POU6F2: variants seen among roughly 807,000 people sequenced by gnomAD.
The protein encoded by POU6F2 is POU domain, class 6, transcription factor 2.
In POU6F2, 31 loss-of-function variants were observed where a neutral mutation model predicts 71.3. That is an observed-to-expected ratio of 0.43 (90% CI 0.33 to 0.59). The LOEUF (loss-of-function observed/expected upper bound fraction) is 0.59, where lower values mean the gene tolerates loss of function less well. Among genes scored for constraint, POU6F2 ranks in the 20% least tolerant of loss-of-function variants. POU6F2 has a pLI of 0.04. For synonymous variants in POU6F2, 347 were observed against 355.7 expected, an observed-to-expected ratio of 0.98 and a Z score of 0.27; for missense variants, 783 against 856.8, an observed-to-expected ratio of 0.91 and a Z score of 1.07.
chr7:39,015,852 G>A (rs868177419), intron 1 of POU6F2, among the ~76,000 whole-genome samples: 2 of 57,058 alleles, frequency 3.5e-5, no homozygotes, highest in African/African-American at 1.3e-4. Flanking sequence ...ATTATATATA[G>A]ATATATATAA....
intron 4 of POU6F2, among the ~76,000 whole-genome samples, chr7:39,298,713 T>C (rs1159132778): frequency 6.6e-6 from 1 of 152,198 alleles, no homozygotes; most frequent in African/African-American, 2.4e-5. Context: ...CATGTAAGTT[T>C]ATAGCAGCAC....
chr7:39,404,567 C>A (rs950356671), intron 5 of POU6F2: 2 of 152,180 alleles, frequency 1.3e-5, no homozygotes, highest in African/African-American at 4.8e-5. Context: ...CCATAGTCAA[C>A]ATTAAGATCC....
intron 2 of POU6F2, among the ~76,000 whole-genome samples, chr7:39,141,532 A>G (rs1321241604): frequency 6.6e-6 from 1 of 152,212 alleles, no homozygotes; most frequent in African/African-American, 2.4e-5. Flanking sequence ...AGTCTATTGC[A>G]TTCTTTGTAT....
At chr7:39,294,576 A>G (rs1053397505) in intron 4 of POU6F2, among the ~76,000 whole-genome samples, 1 of 151,988 alleles carries the variant, frequency 6.6e-6, no homozygotes, top group African/African-American at 2.4e-5. Context: ...TGATGTTTTT[A>G]TAAAACAGAG....
intron 4 of POU6F2, among the ~76,000 whole-genome samples, chr7:39,320,354 G>T: frequency 6.6e-6 from 1 of 152,276 alleles, no homozygotes; most frequent in East Asian, 1.9e-4. Flanking sequence ...CCCCGCAGAT[G>T]CTGTCAGTCA....
chr7:39,459,613 G>A (rs1788896549), intron 8 of POU6F2, among the ~76,000 whole-genome samples: 1 of 152,196 alleles, frequency 6.6e-6, no homozygotes, highest in African/African-American at 2.4e-5. Context: ...GAAAAAGGAA[G>A]AGAAAAACTT....
chr7:39,014,583 A>C (rs1056887721), intron 1 of POU6F2, among the ~76,000 whole-genome samples: 1 of 152,212 alleles, frequency 6.6e-6, no homozygotes, highest in Non-Finnish European at 1.5e-5. Context: ...AATCCTTGTG[A>C]AATATGTGTG....
intron 5 of POU6F2, among the ~76,000 whole-genome samples, chr7:39,342,900 C>T (rs142883861): frequency 2.0e-5 from 3 of 152,182 alleles, no homozygotes; most frequent in Non-Finnish European, 4.4e-5. Flanking sequence ...AGATAGGAGT[C>T]TAAAGTATTA....
chr7:39,396,515 C>A (rs1188651550), intron 5 of POU6F2, among the ~76,000 whole-genome samples: 1 of 152,194 alleles, frequency 6.6e-6, no homozygotes, highest in Admixed American at 6.5e-5. Flanking sequence ...AATAACTCTT[C>A]AGCGTGTCCA....
At chr7:39,187,880 T>C (rs1793577774) in intron 2 of POU6F2, among the ~76,000 whole-genome samples, 1 of 152,238 alleles carries the variant, frequency 6.6e-6, no homozygotes, top group South Asian at 2.1e-4. Flanking sequence ...TTTTTTTCCA[T>C]ATGCCTGAGT....
intron 1 of POU6F2, among the ~76,000 whole-genome samples, chr7:39,011,062 C>A (rs1308593828): frequency 8.1e-6 from 1 of 123,728 alleles, no homozygotes; most frequent in East Asian, 2.7e-4. Context: ...GAGCTGAGTT[C>A]AATTCCTGGG....
chr7:39,390,114 A>T (rs1359684905), intron 5 of POU6F2, among the ~76,000 whole-genome samples: 7 of 152,130 alleles, frequency 4.6e-5, no homozygotes, highest in Admixed American at 4.6e-4. Flanking sequence ...TTCAATTAAT[A>T]GCTGGGTGCA....
chr7:39,259,023 T>C (rs1424316185), intron 4 of POU6F2, among the ~76,000 whole-genome samples: 1 of 152,216 alleles, frequency 6.6e-6, no homozygotes, highest in Non-Finnish European at 1.5e-5. Flanking sequence ...CAGAAATTGC[T>C]TCAGGGCCTG....
intron 5 of POU6F2, among the ~76,000 whole-genome samples, chr7:39,345,060 C>T (rs1324618756): frequency 2.6e-5 from 4 of 152,080 alleles, no homozygotes; most frequent in African/African-American, 9.7e-5. Context: ...CGCCAAAAGT[C>T]TATGAACAAC....
intron 4 of POU6F2, among the ~76,000 whole-genome samples, chr7:39,228,045 T>C (rs1794504708): frequency 6.6e-6 from 1 of 152,214 alleles, no homozygotes; most frequent in Admixed American, 6.5e-5. Flanking sequence ...GACACAACTC[T>C]ACTCTTCCTC....
rs185204783 is a variant in POU6F2 at position 39,412,994 on chromosome 7, C to T, written c.1113+6254C>T. ...TTTTTTTTGTATTTTTTAGTAGAGA[C>T]GGGGTTTCACCGTGTTAGCCAGGAT... On this transcript the variant is annotated intron_variant, in intron 6 of 9. Transcript: ENST00000518318. Among the ~76,000 whole-genome samples, 486 of 150,048 alleles carry T rather than the reference C, an allele frequency of 3.2e-3. 4 individuals carry two copies. The highest frequency in any genetic ancestry group is 0.011 in the African/African-American group (444 of 41,062).
intron 5 of POU6F2, among the ~76,000 whole-genome samples, chr7:39,369,759 C>A (rs1583555720): frequency 6.6e-6 from 1 of 152,068 alleles, no homozygotes; most frequent in African/African-American, 2.4e-5. Flanking sequence ...TCATAGTTCA[C>A]TACAGCCTCG....
intron 2 of POU6F2, among the ~76,000 whole-genome samples, chr7:39,098,143 G>A (rs1223843695): frequency 6.6e-6 from 1 of 151,596 alleles, no homozygotes; most frequent in Non-Finnish European, 1.5e-5. Context: ...TGTCTTTTCT[G>A]CCTTTATTCT....
intron 4 of POU6F2, among the ~76,000 whole-genome samples, chr7:39,228,175 G>A (rs1279550986): frequency 6.6e-6 from 1 of 152,126 alleles, no homozygotes; most frequent in African/African-American, 2.4e-5. Context: ...TTATTTAATT[G>A]CATTTTCAAA....
Sources: allele counts gnomAD v4.1 joint callset (sites outside exome capture counted in the v4.1 genomes callset), GRCh38; gene constraint gnomAD v4.1.1; transcripts MANE v1.5; gene names NCBI Gene and HGNC (gene_info 2026-07-23, HGNC 2026-07-21).